The following PAPOLG variants were observed in gnomAD, a reference collection of about 807,000 sequenced individuals.
PAPOLG encodes the protein poly(A) polymerase gamma, also known as PAP-gamma.
PAPOLG carries 40 observed loss-of-function variants against 99.0 expected under a neutral mutation model. The ratio of observed to expected loss-of-function variants is 0.40; its 90% CI spans 0.31 to 0.53. The LOEUF (loss-of-function observed/expected upper bound fraction) is 0.53, where lower values mean the gene tolerates loss of function less well. PAPOLG is among the 20% of genes least tolerant of loss of function. PAPOLG has a pLI of 0.41. For synonymous variants in PAPOLG, 310 were observed against 299.3 expected (o/e 1.04, Z -0.37); for missense variants, 675 against 884.1 (o/e 0.76, Z 3.00).
chr2:60,757,112 G>A (rs1670370228), intron 1 of PAPOLG, among the ~76,000 whole-genome samples: 1 of 151,922 alleles, frequency 6.6e-6, no homozygotes, highest in Non-Finnish European at 1.5e-5. Context: ...CTTCCATTTT[G>A]GTCTATTAGG....
chr2:60,787,669 T>C (rs1671406279), intron 15 of PAPOLG, 49 bp downstream of exon 15: 1 of 1,590,472 alleles, frequency 6.3e-7, no homozygotes, highest in Non-Finnish European at 8.6e-7. Flanking sequence ...TGGCTATTAC[T>C]CAGTGTCATC....
At chr2:60,767,417 A>G (rs991204825) in intron 3 of PAPOLG, among the ~76,000 whole-genome samples, 1 of 148,642 alleles carries the variant, frequency 6.7e-6, no homozygotes. Flanking sequence ...CAGTTGTCCC[A>G]TTGCAGCCTC....
At chr2:60,761,696 G>C (rs755636086) in intron 2 of PAPOLG, 45 bp from the exon 3 acceptor site, 27 of 1,522,286 alleles carry the variant, frequency 1.8e-5, no homozygotes, top group Non-Finnish European at 4.5e-6. Flanking sequence ...AATACTGTTT[G>C]TTCATTTGTT....
At chr2:60,787,463 G>A in intron 14 of PAPOLG, 48 bp from the exon 15 acceptor site, 1 of 1,549,700 alleles carries the variant, frequency 6.5e-7, no homozygotes, top group South Asian at 1.2e-5. Flanking sequence ...CTGTAAAGTT[G>A]TAAAAAATAA....
At chr2:60,795,134 C>A in intron 21 of PAPOLG, 114 bp downstream of exon 21, 1 of 900,788 alleles carries the variant, frequency 1.1e-6, no homozygotes, top group African/African-American at 1.7e-5. Context: ...AGATTTTGTC[C>A]CTGTCCCCAA....
At chr2:60,770,870 A>T (rs993048010) in intron 6 of PAPOLG, among the ~76,000 whole-genome samples, 1 of 152,116 alleles carries the variant, frequency 6.6e-6, no homozygotes, top group Admixed American at 6.6e-5. Flanking sequence ...TGATCCGCCC[A>T]CCTTGGCCTC....
intron 2 of PAPOLG, among the ~76,000 whole-genome samples, 198 bp downstream of exon 2, chr2:60,760,493 A>T (rs558765068): frequency 1.3e-5 from 2 of 152,234 alleles, no homozygotes; most frequent in African/African-American, 4.8e-5. Context: ...TATGACACTC[A>T]TGAGTAATAT....
intron 7 of PAPOLG, among the ~76,000 whole-genome samples, chr2:60,772,233 C>G (rs984560070): frequency 2.0e-5 from 3 of 152,048 alleles, no homozygotes; most frequent in Non-Finnish European, 4.4e-5. Flanking sequence ...TACTTGAGCC[C>G]AGGAGTTTCC....
chr2:60,786,116 T>C (rs1410417744), intron 13 of PAPOLG, among the ~76,000 whole-genome samples: 1 of 152,228 alleles, frequency 6.6e-6, no homozygotes, highest in African/African-American at 2.4e-5. Context: ...ATAGGTAATA[T>C]GCTGTTTGGT....
rs1028436438 is a variant in PAPOLG, at chr2:60,782,584, G to C, written c.1028-102G>C. On this transcript the variant is annotated intron_variant, in intron 11 of 21. Transcript: ENST00000238714. Reference sequence around the variant, plus strand: ...AAAAAGAAAAAAAAAAATTTCGTCTGGTGGAGTTTGAGATTTTGTAGTAGT... The same window carrying C: ...AAAAAGAAAAAAAAAAATTTCGTCTCGTGGAGTTTGAGATTTTGTAGTAGT... The C allele has an allele frequency of 5.2e-6, 7 of 1,353,458 alleles. No individual in the cohort carries two copies. The African/African-American group carries it at 1.1e-4, about 21-fold the overall frequency. 83.8% of individuals were successfully genotyped at this position (1,353,458 alleles called of 1,614,324 possible). A position where few individuals can be genotyped will look rare whatever the true frequency, so the allele number is the denominator to read the frequency against.
At chr2:60,779,108 T>A (rs533004179) in intron 8 of PAPOLG, among the ~76,000 whole-genome samples, 6 of 151,366 alleles carry the variant, frequency 4.0e-5, no homozygotes, top group African/African-American at 9.7e-5. Flanking sequence ...AAAAAAAAAA[T>A]AGAAATGAAT....
chr2:60,772,008 A>G (rs1347455199), intron 7 of PAPOLG, among the ~76,000 whole-genome samples: 1 of 152,122 alleles, frequency 6.6e-6, no homozygotes, highest in Non-Finnish European at 1.5e-5. Flanking sequence ...TTAAATTAAT[A>G]TAAACTTTTG....
intron 7 of PAPOLG, among the ~76,000 whole-genome samples, chr2:60,774,116 C>T (rs538861851): frequency 4.6e-5 from 7 of 151,018 alleles, no homozygotes; most frequent in Admixed American, 1.3e-4. Context: ...TTTTTTGAGA[C>T]GGGAGTCTCG....
At chr2:60,757,043 G>C (rs2103746949) in intron 1 of PAPOLG, among the ~76,000 whole-genome samples, 1 of 151,494 alleles carries the variant, frequency 6.6e-6, no homozygotes, top group South Asian at 2.1e-4. Context: ...TGTACCTCTT[G>C]TTCACACTTT....
intron 3 of PAPOLG, among the ~76,000 whole-genome samples, chr2:60,765,092 T>C (rs562498139): frequency 3.3e-5 from 5 of 152,084 alleles, no homozygotes; most frequent in Admixed American, 1.3e-4. Flanking sequence ...GGGAAGGATC[T>C]CTCAGTCTGT....
intron 3 of PAPOLG, among the ~76,000 whole-genome samples, chr2:60,762,914 A>G (rs1670563175): frequency 6.6e-6 from 1 of 151,180 alleles, no homozygotes; most frequent in Non-Finnish European, 1.5e-5. Flanking sequence ...GCCTCGAGCC[A>G]CCGCGCCCAG....
chr2:60,782,644 A>G, intron 11 of PAPOLG, 42 bp from the exon 12 acceptor site: 1 of 1,372,226 alleles, frequency 7.3e-7, no homozygotes. Flanking sequence ...TTTCAAAATC[A>G]TTCTTCTTCT....
intron 14 of PAPOLG, 50 bp downstream of exon 14, chr2:60,787,116 T>A: frequency 7.1e-7 from 1 of 1,414,456 alleles, no homozygotes; most frequent in Non-Finnish European, 9.6e-7. Context: ...TGTTATTTGG[T>A]ATATGCATCA....
At chr2:60,775,266 T>G (rs1670982433) in intron 8 of PAPOLG, 143 bp downstream of exon 8, 3 of 1,013,380 alleles carry the variant, frequency 3.0e-6, no homozygotes, top group Non-Finnish European at 2.8e-6. Flanking sequence ...TATTTGCTTT[T>G]CAAGTACAGT....
Sources: gnomAD v4.1 joint callset for allele counts (sites outside exome capture counted in the v4.1 genomes callset) on GRCh38, gnomAD v4.1.1 for gene constraint, MANE v1.5 for transcripts, NCBI Gene and HGNC (gene_info 2026-07-23, HGNC 2026-07-21) for gene names.